KCNJ1: variants seen among roughly 807,000 people sequenced by gnomAD.
The protein encoded by KCNJ1 is potassium inwardly rectifying channel subfamily J member 1.
In KCNJ1, 24 loss-of-function variants were observed where a neutral mutation model predicts 21.9. The observed-to-expected ratio is 1.10, with a 90% CI of 0.79 to 1.54. KCNJ1 has a LOEUF of 1.54. Ranked by LOEUF, KCNJ1 falls within the 40% of genes most tolerant of loss-of-function variation. The probability of loss-of-function intolerance (pLI) is 0.00; values close to 1 mark genes in which losing one functional copy is unlikely to be tolerated. For missense variants in KCNJ1, 457 were observed against 455.4 expected, an observed-to-expected ratio of 1.00 and a Z score of -0.03; for synonymous variants, 152 against 160.9, an observed-to-expected ratio of 0.94 and a Z score of 0.42.
rs934696591 is a variant in KCNJ1 at position 128,838,531 on chromosome 11, T to C, written c.*594A>G. On this transcript the variant is annotated 3_prime_UTR_variant, in exon 3 of 3. Transcript: ENST00000392666. ...AAGCATTCTGTCTTGCAGGAAGGTATCATCAAGATTCTAGTGTGCAGATTT... is the reference window on the plus strand; with the variant it reads ...AAGCATTCTGTCTTGCAGGAAGGTACCATCAAGATTCTAGTGTGCAGATTT... 1.9e-5 allele frequency: 3 copies of C among 154,108 alleles called. No homozygotes were observed. Among genetic ancestry groups the C allele is most frequent in the Non-Finnish European group, 4.3e-5 (3 of 69,476 alleles). 9.5% of individuals were successfully genotyped at this position (154,108 alleles called of 1,614,324 possible).
chr11:128,839,705 A>G lies in KCNJ1; in HGVS notation c.539T>C (p.Val180Ala). The change falls in exon 3 of 3, where the codon GTG becomes GCG. Residue 180 changes from valine to alanine, a missense_variant. Val to Ala is a moderately conservative substitution (Grantham distance 64). Coordinates refer to ENST00000392666, the MANE Select transcript of KCNJ1 (RefSeq NM_153766.3). ...AKTITFSKNA[V>A]ISKRGGKLCL... ...AAGCTTCCCTCCCCGTTTGCTGATC[A>G]CTGCGTTCTTGCTGAACGTAATGGT... 6.2e-7 allele frequency: 1 copy of G among 1,613,200 alleles called. No homozygotes were observed. Among genetic ancestry groups the G allele is most frequent in the Non-Finnish European group, 8.5e-7 (1 of 1,179,634 alleles).
chr11:128,839,021 G>C lies in KCNJ1; in HGVS notation c.*104C>G, dbSNP rs539546748. On this transcript the variant is annotated 3_prime_UTR_variant, in exon 3 of 3. Transcript: ENST00000392666. ...GTCTTTGTGCTGGTAGACTTTGAAG[G>C]CTCTCATCCTACTTTCGTACCCCTA... The C allele has an allele frequency of 1.0e-6, 1 of 987,540 alleles. No individual in the cohort carries two copies. Among genetic ancestry groups the C allele is most frequent in the South Asian group, 1.4e-5 (1 of 73,268 alleles). 61.2% of individuals were successfully genotyped at this position (987,540 alleles called of 1,614,324 possible).
chr11:128,859,926 G>C (rs1943668462), intron 1 of KCNJ1, among the ~76,000 whole-genome samples: 1 of 152,272 alleles, frequency 6.6e-6, no homozygotes, highest in Non-Finnish European at 1.5e-5. Flanking sequence ...AGTAGGCACT[G>C]GTGCTGCAGA....
chr11:128,864,508 T>C (rs1470708180), intron 1 of KCNJ1, among the ~76,000 whole-genome samples: 1 of 152,194 alleles, frequency 6.6e-6, no homozygotes, highest in Non-Finnish European at 1.5e-5. Context: ...TTGTTCATGA[T>C]GATTTCTGAA....
chr11:128,862,917 C>T (rs183118724), intron 1 of KCNJ1, among the ~76,000 whole-genome samples: 19 of 152,322 alleles, frequency 1.2e-4, no homozygotes, highest in African/African-American at 4.1e-4. Context: ...TCACTGGACT[C>T]GGACTCCAAG....
chr11:128,846,143 C>T (rs777717736), intron 2 of KCNJ1, among the ~76,000 whole-genome samples: 4 of 152,128 alleles, frequency 2.6e-5, no homozygotes, highest in South Asian at 2.1e-4. Flanking sequence ...GCAGAGTCGA[C>T]GGGCTTCTAG....
At chr11:128,845,323 A>G (rs1349592852) in intron 2 of KCNJ1, among the ~76,000 whole-genome samples, 2 of 152,240 alleles carry the variant, frequency 1.3e-5, no homozygotes, top group Admixed American at 6.5e-5. Flanking sequence ...GATTGAGGAC[A>G]CGATGTTAAG....
intron 1 of KCNJ1, among the ~76,000 whole-genome samples, chr11:128,864,931 A>G (rs1332622868): frequency 6.6e-6 from 1 of 151,912 alleles, no homozygotes; most frequent in African/African-American, 2.4e-5. Context: ...AATGTAAATA[A>G]GATCTTACCC....
chr11:128,866,553 T>C, intron 1 of KCNJ1: 2 of 975,764 alleles, frequency 2.0e-6, no homozygotes, highest in Non-Finnish European at 2.4e-6. Flanking sequence ...CAGTTGGCAT[T>C]CACTGGTATA....
chr11:128,865,717 C>A (rs1164500196), intron 1 of KCNJ1, among the ~76,000 whole-genome samples: 1 of 152,078 alleles, frequency 6.6e-6, no homozygotes, highest in African/African-American at 2.4e-5. Context: ...TGGACAATCA[C>A]TGAGCTGTGA....
intron 2 of KCNJ1, among the ~76,000 whole-genome samples, chr11:128,846,588 T>A (rs1943384009): frequency 6.6e-6 from 1 of 152,204 alleles, no homozygotes; most frequent in African/African-American, 2.4e-5. Context: ...ACAGAAGATC[T>A]GGAAAATACA....
In KCNJ1 at chr11:128,839,561, A is replaced by G. The variant is rs201876655; in HGVS notation, c.683T>C (p.Ile228Thr). The G allele has an allele frequency of 2.4e-5, 38 of 1,614,046 alleles. No individual in the cohort carries two copies. The Middle Eastern group carries it at 4.9e-4, about 21-fold the overall frequency. Residue 228 changes from isoleucine (I) to threonine (T), a missense_variant, in exon 3 of 3, where the codon ATC becomes ACC. Transcript: ENST00000392666. ...PEGETIILDQININFVVDAGN... is the reference protein window; with the variant it reads ...PEGETIILDQTNINFVVDAGN... Reference sequence around the variant, plus strand: ...AGCGTCAACTACAAAGTTGATATTGATCTGGTCCAAAATAATGGTCTCTCC... The same window carrying G: ...AGCGTCAACTACAAAGTTGATATTGGTCTGGTCCAAAATAATGGTCTCTCC...
chr11:128,839,464 G>A lies in KCNJ1; in HGVS notation c.780C>T (p.Phe260=), dbSNP rs754571538. ...YHVIDHNSPF[F]HMAAETLLQQ... ...GGAGAAGGGTCTCCGCTGCCATGTG[G>A]AAGAAAGGGCTGTTGTGATCAATGA... The change falls in exon 3 of 3, where the codon TTC becomes TTT. Residue 260 remains phenylalanine (F), a synonymous_variant. Coordinates refer to ENST00000392666, the MANE Select transcript of KCNJ1 (RefSeq NM_153766.3). 2.2e-5 allele frequency: 35 copies of A among 1,614,066 alleles called. 1 individual carries two copies. Among genetic ancestry groups the A allele is most frequent in the South Asian group, 1.2e-4 (11 of 91,090 alleles).
rs1368025737 is a variant in KCNJ1 at position 128,839,802 on chromosome 11, CAAGTATAGACTG to C, written c.430_441del (p.Gln144_Leu147del). The C allele has an allele frequency of 5.0e-6, 8 of 1,614,120 alleles. No individual in the cohort carries two copies. Among genetic ancestry groups the C allele is most frequent in the Non-Finnish European group, 5.9e-6 (7 of 1,180,024 alleles). ...CACATGAAAGAATTGATTATAACTC[CAAGTATAGACTG>C]AAAGATAAGCAGAAAAATGGCAGTG... On this transcript the variant is annotated inframe_deletion, in exon 3 of 3. Transcript: ENST00000392666.
intron 1 of KCNJ1, among the ~76,000 whole-genome samples, chr11:128,859,799 G>T (rs959249324): frequency 6.6e-6 from 1 of 152,212 alleles, no homozygotes; most frequent in Non-Finnish European, 1.5e-5. Context: ...CAAGACCCAG[G>T]GAAGTGGGGG....
chr11:128,866,514 G>A, intron 1 of KCNJ1: 2 of 964,888 alleles, frequency 2.1e-6, no homozygotes, highest in Non-Finnish European at 2.5e-6. Flanking sequence ...GGGAGAAGGG[G>A]CTCCATACCT....
chr11:128,842,860 T>C (rs1327658679), intron 2 of KCNJ1, among the ~76,000 whole-genome samples: 1 of 152,194 alleles, frequency 6.6e-6, no homozygotes, highest in African/African-American at 2.4e-5. Context: ...ACTGAAATAC[T>C]GAGTTTTCCA....
intron 2 of KCNJ1, among the ~76,000 whole-genome samples, chr11:128,849,165 C>A (rs1018594953): frequency 6.6e-6 from 1 of 152,196 alleles, no homozygotes; most frequent in Admixed American, 6.5e-5. Context: ...GGAACTGAGG[C>A]TCAGAGAAGT....
intron 2 of KCNJ1, among the ~76,000 whole-genome samples, chr11:128,848,311 G>A (rs1231256): frequency 0.014 from 1,431 of 99,388 alleles, 35 homozygotes; most frequent in South Asian, 0.038. Flanking sequence ...AAAAAAAAAA[G>A]TACCTGAGAC....
Sources: gnomAD v4.1 joint callset for allele counts (sites outside exome capture counted in the v4.1 genomes callset) on GRCh38, gnomAD v4.1.1 for gene constraint, MANE v1.5 for transcripts, NCBI Gene and HGNC (gene_info 2026-07-23, HGNC 2026-07-21) for gene names.